The following DLEC1 variants were observed in gnomAD, a reference collection of about 807,000 sequenced individuals.
DLEC1 encodes deleted in lung and esophageal cancer protein 1.
In DLEC1, 146 loss-of-function variants were observed where a neutral mutation model predicts 198.1. The observed-to-expected ratio is 0.74, with a 90% CI of 0.64 to 0.85. The LOEUF (loss-of-function observed/expected upper bound fraction) is 0.85, where lower values mean the gene tolerates loss of function less well. DLEC1 is among the 40% of genes least tolerant of loss of function. The probability of loss-of-function intolerance (pLI) is 0.00; values close to 1 mark genes in which losing one functional copy is unlikely to be tolerated. For missense variants in DLEC1, 2,233 were observed against 2,220.0 expected, an observed-to-expected ratio of 1.01 and a Z score of -0.12; for synonymous variants, 897 against 866.8, an observed-to-expected ratio of 1.03 and a Z score of -0.61.
intron 2 of DLEC1, among the ~76,000 whole-genome samples, chr3:38,054,698 G>T (rs147217875): frequency 1.1e-3 from 169 of 152,338 alleles, no homozygotes; most frequent in African/African-American, 4.0e-3. Flanking sequence ...CAGGTTAAAA[G>T]AATGGTGTTC....
Position 38,100,438 on chromosome 3 carries a change from T to A in DLEC1, c.2864+13T>A. 6.2e-7 allele frequency: 1 copy of A among 1,606,058 alleles called. No individual in the cohort carries two copies. Among genetic ancestry groups the A allele is most frequent in the Non-Finnish European group, 8.5e-7 (1 of 1,176,762 alleles). On this transcript the variant is annotated intron_variant, in intron 19 of 36. Coordinates refer to ENST00000308059, the MANE Select transcript of DLEC1 (RefSeq NM_007335.4). The stretch of plus-strand genomic sequence containing the variant: ...ATGGTGCCTGGAGGTAAGGGTGCCG[T>A]GGGAAGAGCCACTACAACAAACTAT...
chr3:38,095,370 A>G, intron 13 of DLEC1: 1 of 417,680 alleles, frequency 2.4e-6, no homozygotes. Flanking sequence ...ATCCCCACCC[A>G]TACCACAGCA....
Position 38,116,611 on chromosome 3 carries a change from C to G in DLEC1, c.4015C>G (p.Pro1339Ala), listed in dbSNP as rs1157475292. 6.2e-7 allele frequency: 1 copy of G among 1,614,108 alleles called. No homozygotes were observed. Among genetic ancestry groups the G allele is most frequent in the Non-Finnish European group, 8.5e-7 (1 of 1,179,980 alleles). The change falls in exon 28 of 37, where the codon CCA becomes GCA. Residue 1339 changes from proline (P) to alanine (A), a missense_variant. Coordinates refer to ENST00000308059, the MANE Select transcript of DLEC1 (RefSeq NM_007335.4). ...TPEGGCLLWS[P>A]GPSSSSEFSH... ...TGAGGGTGGCTGCCTCCTCTGGTCC[C>G]CAGGCCCCTCCAGTTCATCGGAATT...
Position 38,110,233 on chromosome 3 carries a change from TTGAG to T in DLEC1, c.3397_3400del (p.Glu1133IlefsTer9). 1 of 1,614,104 alleles carries T rather than the reference TTGAG, an allele frequency of 6.2e-7. No homozygotes were observed. Among genetic ancestry groups the T allele is most frequent in the Non-Finnish European group, 8.5e-7 (1 of 1,180,010 alleles). ...ATACGGACCCGTTTCTCCCTCAAGTTTGAGTATTTCGGGAGCCCCCAAAACAGCC... is the reference window on the plus strand; with the variant it reads ...ATACGGACCCGTTTCTCCCTCAAGTTTATTTCGGGAGCCCCCAAAACAGCC... On this transcript the variant is annotated frameshift_variant, in exon 23 of 37. Transcript: ENST00000308059. LOFTEE classifies it high-confidence loss of function.
rs1009443837 is a variant in DLEC1 at position 38,039,419 on chromosome 3, G to T, written c.194G>T (p.Arg65Leu). 10 of 1,613,674 alleles carry T rather than the reference G, an allele frequency of 6.2e-6. No individual in the cohort carries two copies. Among genetic ancestry groups the T allele is most frequent in the African/African-American group, 5.3e-5 (4 of 74,936 alleles). Residue 65 changes from arginine (R) to leucine (L), a missense_variant, in exon 1 of 37, where the codon CGC (arginine) becomes CTC (leucine). Coordinates refer to ENST00000308059, the MANE Select transcript of DLEC1 (RefSeq NM_007335.4). ...TACAGCTTCGCAGCCCGGCCCCGCCGCCTCACGCAGCTTGCGCTGGCGCAG... is the reference window on the plus strand; with the variant it reads ...TACAGCTTCGCAGCCCGGCCCCGCCTCCTCACGCAGCTTGCGCTGGCGCAG... Reference protein sequence around the residue: ...FHYSFAARPRRLTQLALAQRP... With the variant: ...FHYSFAARPRLLTQLALAQRP...
intron 6 of DLEC1, 45 bp from the exon 7 acceptor site, chr3:38,084,113 C>T (rs371956547): frequency 2.6e-6 from 4 of 1,564,746 alleles, no homozygotes; most frequent in Non-Finnish European, 3.5e-6. Flanking sequence ...ATCATTTCGT[C>T]TATAAGTGTT....
intron 34 of DLEC1, among the ~76,000 whole-genome samples, chr3:38,121,299 G>T (rs547283896): frequency 6.6e-6 from 1 of 152,362 alleles, no homozygotes; most frequent in Admixed American, 6.5e-5. Flanking sequence ...CGGCTGAGAG[G>T]AGCTGAGGGC....
At position 38,099,580 on chromosome 3, in the gene DLEC1, G is replaced by A. The variant is rs150279931; in HGVS notation, c.2725-706G>A. Among the ~76,000 whole-genome samples the A allele has an allele frequency of 6.1e-3, 934 of 152,264 alleles. 12 individuals are homozygous for A. The highest frequency in any genetic ancestry group is 0.02 in the African/African-American group (818 of 41,542). ...CTACAGCCACCCCCAGAGCTCCAAGGGAGATGCACATGAGCAACAAAGACA... is the reference window on the plus strand; with the variant it reads ...CTACAGCCACCCCCAGAGCTCCAAGAGAGATGCACATGAGCAACAAAGACA... On this transcript the variant is annotated intron_variant, in intron 18 of 36. Coordinates refer to ENST00000308059, the MANE Select transcript of DLEC1 (RefSeq NM_007335.4).
At chr3:38,062,510 A>T in intron 4 of DLEC1, 71 bp from the exon 5 acceptor site, 1 of 1,587,564 alleles carries the variant, frequency 6.3e-7, no homozygotes, top group Non-Finnish European at 8.6e-7. Context: ...TGGGTCATGC[A>T]GTTGGTCAAG....
At position 38,116,802 on chromosome 3, in the gene DLEC1, G is replaced by C; in HGVS notation, c.4092G>C (p.Arg1364Ser). ...SVEGSSSASNRVAQKLISVIL... is the reference protein window; with the variant it reads ...SVEGSSSASNSVAQKLISVIL... ...AGGGCAGCTCCAGTGCCAGCAATAG[G>C]GTGGCACAGAAGCTCATCTCAGTCA... The change falls in exon 29 of 37, where the codon AGG becomes AGC. Residue 1364 changes from arginine (R) to serine (S), a missense_variant. By Grantham distance (110) the Arg-to-Ser change is moderately radical (BLOSUM62 -1). Coordinates refer to ENST00000308059, the MANE Select transcript of DLEC1 (RefSeq NM_007335.4). The C allele has an allele frequency of 1.2e-6, 2 of 1,613,676 alleles. No homozygotes were observed. Among genetic ancestry groups the C allele is most frequent in the South Asian group, 1.1e-5 (1 of 91,004 alleles).
chr3:38,093,734 C>A lies in DLEC1; in HGVS notation c.1886C>A (p.Thr629Lys), dbSNP rs774060723. The A allele has an allele frequency of 6.2e-7, 1 of 1,614,212 alleles. No homozygotes were observed. Among genetic ancestry groups the A allele is most frequent in the African/African-American group, 1.3e-5 (1 of 75,046 alleles). ...IRFEPENLRS[T>K]ARKQLIIRNA... is the part of the protein sequence containing the mutation. ...TTTGAGCCTGAAAACCTTCGGTCCACGGCTAGGAAGCAGCTGATTATTAGA... is the reference window on the plus strand; with the variant it reads ...TTTGAGCCTGAAAACCTTCGGTCCAAGGCTAGGAAGCAGCTGATTATTAGA... The change falls in exon 12 of 37, where the codon ACG becomes AAG. Residue 629 changes from threonine to lysine, a missense_variant. Coordinates refer to ENST00000308059, the MANE Select transcript of DLEC1 (RefSeq NM_007335.4).
Position 38,107,710 on chromosome 3 carries a change from C to A in DLEC1, c.2991C>A (p.Leu997=), listed in dbSNP as rs1223124216. Residue 997 remains leucine (L), a synonymous_variant, in exon 20 of 37, where the codon CTC becomes CTA. Transcript: ENST00000308059. ...KTTITLINGT[L]LPTQFHWGKL... ...CCATCACACTTATCAATGGCACGCT[C>A]CTGCCTACCCAGTTCCACTGGGGCA... 3.1e-6 allele frequency: 5 copies of A among 1,614,082 alleles called. No individual in the cohort carries two copies. Among genetic ancestry groups the A allele is most frequent in the Non-Finnish European group, 4.2e-6 (5 of 1,179,978 alleles).
Position 38,122,074 on chromosome 3 carries a change from A to G in DLEC1, c.5024A>G (p.Gln1675Arg), listed in dbSNP as rs771015194. The G allele has an allele frequency of 1.9e-6, 3 of 1,613,964 alleles. No homozygotes were observed. Among genetic ancestry groups the G allele is most frequent in the Middle Eastern group, 1.7e-4 (1 of 6,056 alleles). Residue 1675 changes from glutamine (Q) to arginine (R), a missense_variant, in exon 36 of 37, where the codon CAG (glutamine) becomes CGG (arginine). Gln to Arg is a conservative substitution (Grantham distance 43, BLOSUM62 1). Transcript: ENST00000308059. ...TCTTCCCTTCCCTTTGGTGCAGGCC[A>G]GCAGGAGCCAGCCAAGGCCGCTGTG... ...CRSYWTMLMG[Q>R]QEPAKAAVAF... is the part of the protein sequence containing the mutation.
chr3:38,048,432 G>A (rs1161906506), intron 2 of DLEC1, among the ~76,000 whole-genome samples: 1 of 152,268 alleles, frequency 6.6e-6, no homozygotes, highest in Admixed American at 6.5e-5. Context: ...GGAGGAAGAA[G>A]TGGAAGATAC....
chr3:38,081,890 G>C (rs1412704310), intron 6 of DLEC1, among the ~76,000 whole-genome samples: 1 of 148,464 alleles, frequency 6.7e-6, no homozygotes, highest in African/African-American at 2.5e-5. Flanking sequence ...CCGGGCGGGG[G>C]GCTGACCCCC....
Position 38,107,661 on chromosome 3 carries a change from A to T in DLEC1, c.2942A>T (p.Tyr981Phe). 2 of 1,614,104 alleles carry T rather than the reference A, an allele frequency of 1.2e-6. No homozygotes were observed. Residue 981 changes from tyrosine (Y) to phenylalanine (F), a missense_variant, in exon 20 of 37, where the codon TAC becomes TTC. Physicochemically the swap from Tyr to Phe is conservative, Grantham distance 22 (BLOSUM62 3). Coordinates refer to ENST00000308059, the MANE Select transcript of DLEC1 (RefSeq NM_007335.4). ...AGCCAGGTGGAGGTTAGAAATCTCT[A>T]CCTGGGTGTGCCCACGAAGACAACC... ...QSSQVEVRNL[Y>F]LGVPTKTTIT...
intron 33 of DLEC1, among the ~76,000 whole-genome samples, chr3:38,119,440 G>A (rs563389661): frequency 2.6e-5 from 4 of 151,918 alleles, no homozygotes; most frequent in Non-Finnish European, 5.9e-5. Flanking sequence ...CAAGCCCTGC[G>A]GATGCCCCCT....
intron 6 of DLEC1, among the ~76,000 whole-genome samples, chr3:38,081,542 C>A (rs1233440928): frequency 9.7e-6 from 1 of 103,316 alleles, no homozygotes; most frequent in Admixed American, 9.4e-5. Flanking sequence ...CCCCTCACCT[C>A]CCGGATGGGG....
chr3:38,059,117 G>A (rs1161032966), intron 2 of DLEC1, among the ~76,000 whole-genome samples: 1 of 152,158 alleles, frequency 6.6e-6, no homozygotes, highest in Non-Finnish European at 1.5e-5. Flanking sequence ...GCAGGTCAGT[G>A]GGGAATTGGC....
Sources: gnomAD v4.1 joint callset for allele counts (sites outside exome capture counted in the v4.1 genomes callset) on GRCh38, gnomAD v4.1.1 for gene constraint, MANE v1.5 for transcripts, NCBI Gene and HGNC (gene_info 2026-07-23, HGNC 2026-07-21) for gene names.